The following SUFU variants were observed in gnomAD, a reference collection of about 807,000 sequenced individuals.
SUFU encodes the protein suppressor of fused homolog.
SUFU carries 7 observed loss-of-function variants against 58.9 expected under a neutral mutation model. The ratio of observed to expected loss-of-function variants is 0.12; its 90% CI spans 0.07 to 0.22. SUFU has a LOEUF of 0.22. SUFU is among the 10% of genes least tolerant of loss of function. The pLI is 1.00. For synonymous variants in SUFU, 232 were observed against 254.8 expected (o/e 0.91, Z 0.85); for missense variants, 451 against 641.3 (o/e 0.70, Z 3.20).
intron 3 of SUFU, among the ~76,000 whole-genome samples, chr10:102,556,220 CT>C (rs35073362): frequency 0.11 from 16,112 of 152,168 alleles, 1,291 homozygotes; most frequent in East Asian, 0.41. Context: ...ATGAGGCAGC[CT>C]TGGAAGCCTG....
At chr10:102,502,986 G>A (rs1322943834), upstream of SUFU, among the ~76,000 whole-genome samples, 2 of 152,180 alleles carry the variant, frequency 1.3e-5, no homozygotes, top group Non-Finnish European at 2.9e-5. Context: ...TGCATGCTGA[G>A]GTATGTAGTC....
At chr10:102,506,228 A>G (rs2062325092) in intron 1 of SUFU, among the ~76,000 whole-genome samples, 1 of 152,090 alleles carries the variant, frequency 6.6e-6, no homozygotes, top group Non-Finnish European at 1.5e-5. Flanking sequence ...GACTAAGGGC[A>G]ATTTTTTTTT....
At chr10:102,593,891 C>G in intron 5 of SUFU, 102 bp from the exon 6 acceptor site, 4 of 1,465,108 alleles carry the variant, frequency 2.7e-6, no homozygotes, top group Non-Finnish European at 3.8e-6. Context: ...CGAACTATTC[C>G]CCTGTGTCCT....
chr10:102,529,479 A>C (rs946788346), intron 2 of SUFU, among the ~76,000 whole-genome samples: 1 of 152,184 alleles, frequency 6.6e-6, no homozygotes, highest in Non-Finnish European at 1.5e-5. Flanking sequence ...AGTACTAAGA[A>C]AAGGAAAGTT....
chr10:102,618,971 TGTGTGTG>T, intron 10 of SUFU: 1 of 915,326 alleles, frequency 1.1e-6, no homozygotes, highest in Non-Finnish European at 1.8e-6. Flanking sequence ...TGTGTGTGTG[TGTGTGTG>T]TAATGTTCAA....
chr10:102,512,674 C>T (rs1030924100), intron 2 of SUFU, among the ~76,000 whole-genome samples: 1 of 152,138 alleles, frequency 6.6e-6, no homozygotes, highest in Non-Finnish European at 1.5e-5. Flanking sequence ...ACCAATCAAG[C>T]CTAGTATTTT....
At chr10:102,595,327 G>A (rs2063450035) in intron 6 of SUFU, among the ~76,000 whole-genome samples, 1 of 152,184 alleles carries the variant, frequency 6.6e-6, no homozygotes, top group South Asian at 2.1e-4. Context: ...TGTTTTCCTA[G>A]TGCCTTTAAC....
intron 2 of SUFU, among the ~76,000 whole-genome samples, chr10:102,527,942 A>G (rs1416254490): frequency 6.6e-6 from 1 of 152,216 alleles, no homozygotes; most frequent in Non-Finnish European, 1.5e-5. Flanking sequence ...TCGCTTCCCA[A>G]ATCAGACTGT....
At chr10:102,624,606 C>A (rs2063769908) in intron 10 of SUFU, among the ~76,000 whole-genome samples, 1 of 152,156 alleles carries the variant, frequency 6.6e-6, no homozygotes, top group Non-Finnish European at 1.5e-5. Flanking sequence ...TAGGGTTTGT[C>A]CTCATTTTTG....
intron 1 of SUFU, among the ~76,000 whole-genome samples, chr10:102,505,994 C>T (rs190306186): frequency 1.2e-4 from 16 of 131,812 alleles, no homozygotes; most frequent in South Asian, 2.4e-4. Context: ...GCCAGGAGTT[C>T]GAGACCAGTG....
chr10:102,545,591 C>T (rs1452323512), intron 2 of SUFU, among the ~76,000 whole-genome samples: 4 of 152,322 alleles, frequency 2.6e-5, no homozygotes, highest in South Asian at 4.1e-4. Flanking sequence ...TATTTCTCCA[C>T]GTCCTCTCTA....
Position 102,619,174 on chromosome 10 carries a change from C to A in SUFU, c.1296+1746C>A. 6.2e-7 allele frequency: 1 copy of A among 1,609,426 alleles called. No homozygotes were observed. The highest frequency in any genetic ancestry group is 8.5e-7 in the Non-Finnish European group (1 of 1,179,510). ...TTCAGCAGCTCAAGAACCTTGGCCCCCACAGGACTTCGCAGATGTCACATT... is the reference window on the plus strand; with the variant it reads ...TTCAGCAGCTCAAGAACCTTGGCCCACACAGGACTTCGCAGATGTCACATT... On this transcript the variant is annotated intron_variant, in intron 10 of 11. Coordinates refer to ENST00000369902, the MANE Select transcript of SUFU (RefSeq NM_016169.4). This position sits in a 1 kb window ranked among gnomAD's most constrained non-coding sequence, Gnocchi z 4.2.
intron 6 of SUFU, among the ~76,000 whole-genome samples, chr10:102,594,341 G>C (rs1426028675): frequency 6.6e-6 from 1 of 152,190 alleles, no homozygotes; most frequent in Non-Finnish European, 1.5e-5. Flanking sequence ...TAGATTGCCA[G>C]CAATAAAAGA....
intron 2 of SUFU, among the ~76,000 whole-genome samples, chr10:102,547,725 G>A (rs1338355049): frequency 1.3e-5 from 2 of 152,150 alleles, no homozygotes; most frequent in African/African-American, 4.8e-5. Context: ...GGGAGGTTGA[G>A]GTGGAAGGAT....
intron 10 of SUFU, among the ~76,000 whole-genome samples, chr10:102,621,506 C>T (rs541542945): frequency 8.5e-5 from 13 of 152,250 alleles, no homozygotes; most frequent in African/African-American, 2.4e-4. Flanking sequence ...CGCTACCTGC[C>T]GCACCACACG....
chr10:102,618,929 A>AGCGC lies in SUFU; in HGVS notation c.1296+1504_1296+1505insCGCG, dbSNP rs1256985015. 1.4e-4 allele frequency: 88 copies of AGCGC among 619,768 alleles called. No homozygotes were observed. In the African/African-American group the frequency reaches 2.8e-3, roughly 20 times the overall value. 38.4% of individuals were successfully genotyped at this position (619,768 alleles called of 1,614,324 possible). A position where few individuals can be genotyped will look rare whatever the true frequency, so the allele number is the denominator to read the frequency against. On this transcript the variant is annotated intron_variant, in intron 10 of 11. Transcript: ENST00000369902. ...TCATCATTCCCAAGTGTCCTCAGGT[A>AGCGC]GCGTGTGTGTGTGTGTGTGTGTGTG...
rs182589762 is a variant in SUFU, at chr10:102,569,344, C to T, written c.454+19238C>T. ...GAAGCACTGTGTAGTCTTTCAAGTC[C>T]GTAAAATAAGACACAGGACTCTTCC... On this transcript the variant is annotated intron_variant, in intron 3 of 11. Coordinates refer to ENST00000369902, the MANE Select transcript of SUFU (RefSeq NM_016169.4). Among the ~76,000 whole-genome samples, 662 of 152,130 alleles carry T rather than the reference C, an allele frequency of 4.4e-3. 7 individuals carry two copies. The highest frequency in any genetic ancestry group is 0.015 in the African/African-American group (630 of 41,502).
chr10:102,547,257 T>A (rs907462577), intron 2 of SUFU, among the ~76,000 whole-genome samples: 1 of 152,186 alleles, frequency 6.6e-6, no homozygotes, highest in African/African-American at 2.4e-5. Context: ...CAATCTTGCA[T>A]TACTCCATGT....
rs1344427543 is a variant in SUFU at position 102,631,874 on chromosome 10, C to G, written c.*1719C>G. 4.3e-6 allele frequency: 1 copy of G among 233,286 alleles called. No homozygotes were observed. Among genetic ancestry groups the G allele is most frequent in the Non-Finnish European group, 8.5e-6 (1 of 118,144 alleles). 14.5% of individuals were successfully genotyped at this position (233,286 alleles called of 1,614,324 possible). A position where few individuals can be genotyped will look rare whatever the true frequency, so the allele number is the denominator to read the frequency against. On this transcript the variant is annotated 3_prime_UTR_variant, in exon 12 of 12. Coordinates refer to ENST00000369902, the MANE Select transcript of SUFU (RefSeq NM_016169.4). ...TTTGGGAGAGACTGGCTGCAGATCC[C>G]CGCCAGCCAAGATGCAAGCCACTCG...
Sources: allele counts gnomAD v4.1 joint callset (sites outside exome capture counted in the v4.1 genomes callset), GRCh38; gene constraint gnomAD v4.1.1; non-coding constraint Gnocchi (gnomAD v3.1); transcripts MANE v1.5; gene names NCBI Gene and HGNC (gene_info 2026-07-23, HGNC 2026-07-21).